Variants in CDH5 observed in about 807,000 individuals in gnomAD.
CDH5 encodes cadherin 5, also known as cadherin-5.
In CDH5, 28 loss-of-function variants were observed where a neutral mutation model predicts 62.0. The observed-to-expected ratio is 0.45, with a 90% CI of 0.33 to 0.62. CDH5 has a LOEUF of 0.62. Among genes scored for constraint, CDH5 ranks in the 20% least tolerant of loss-of-function variants. The pLI is 0.02. For missense variants in CDH5, 940 were observed against 1,065.1 expected (o/e 0.88, Z 1.63); for synonymous variants, 464 against 445.8 (o/e 1.04, Z -0.52).
intron 8 of CDH5, 103 bp from the exon 9 acceptor site, chr16:66,397,879 G>A (rs1426306801): frequency 2.2e-6 from 3 of 1,354,876 alleles, no homozygotes; most frequent in African/African-American, 1.4e-5. Flanking sequence ...GCCTCCTCCT[G>A]CAAAAAGTGG....
At chr16:66,398,629 G>A (rs528444664) in intron 10 of CDH5, 68 bp downstream of exon 10, 1 of 813,020 alleles carries the variant, frequency 1.2e-6, no homozygotes, top group African/African-American at 1.7e-5. Context: ...CTACTCAGGA[G>A]GCTGAGGCAG....
intron 6 of CDH5, 114 bp from the exon 7 acceptor site, chr16:66,392,022 C>A: frequency 7.7e-7 from 1 of 1,298,330 alleles, no homozygotes. Context: ...ATGGGCCCCT[C>A]ATCTATAAAA....
At position 66,379,371 on chromosome 16, in the gene CDH5, G is replaced by A. The variant is rs770509232; in HGVS notation, c.34G>A (p.Gly12Ser). 5 of 1,613,084 alleles carry A rather than the reference G, an allele frequency of 3.1e-6. No individual in the cohort carries two copies. The highest frequency in any genetic ancestry group is 4.2e-6 in the Non-Finnish European group (5 of 1,179,578). The change falls in exon 2 of 12, where the codon GGC becomes AGC. Residue 12 changes from glycine (G) to serine (S), a missense_variant. Gly to Ser is a moderately conservative substitution (Grantham distance 56). Transcript: ENST00000341529. ...GCTCATGATGCTCCTCGCCACATCGGGCGCCTGCCTGGGCCTGCTGGCAGT... is the reference window on the plus strand; with the variant it reads ...GCTCATGATGCTCCTCGCCACATCGAGCGCCTGCCTGGGCCTGCTGGCAGT... Reference protein sequence around the residue: ...QRLMMLLATSGACLGLLAVAA... With the variant: ...QRLMMLLATSSACLGLLAVAA...
chr16:66,392,534 T>G, intron 7 of CDH5, 151 bp downstream of exon 7: 1 of 1,094,444 alleles, frequency 9.1e-7, no homozygotes, highest in Non-Finnish European at 1.3e-6. Flanking sequence ...AAGCCCAAGC[T>G]CTTGCACTTG....
intron 6 of CDH5, among the ~76,000 whole-genome samples, chr16:66,390,847 C>T (rs7192976): frequency 0.031 from 4,673 of 152,236 alleles, 216 homozygotes; most frequent in African/African-American, 0.11. Flanking sequence ...TGACCCACTG[C>T]GGGGTAAGTG....
chr16:66,400,938 T>G lies in CDH5; in HGVS notation c.1759T>G (p.Cys587Gly). 1.9e-6 allele frequency: 3 copies of G among 1,614,184 alleles called. No homozygotes were observed. Among genetic ancestry groups the G allele is most frequent in the Non-Finnish European group, 2.5e-6 (3 of 1,180,044 alleles). ...KCNEQGEFTF[C>G]EDMAAQVGVS... ...CAACGAGCAGGGCGAGTTCACCTTC[T>G]GCGAGGATATGGCCGCCCAGGTGGG... The change falls in exon 11 of 12, where the codon TGC becomes GGC. Residue 587 changes from cysteine to glycine, a missense_variant. By Grantham distance (159) the Cys-to-Gly change is radical. Coordinates refer to ENST00000341529, the MANE Select transcript of CDH5 (RefSeq NM_001795.5).
intron 7 of CDH5, among the ~76,000 whole-genome samples, chr16:66,394,802 A>G (rs924545428): frequency 6.8e-6 from 1 of 146,834 alleles, no homozygotes; most frequent in African/African-American, 2.5e-5. Flanking sequence ...AGTTAGATAC[A>G]GTAAGTTTTC....
chr16:66,402,580 G>C, intron 11 of CDH5, 72 bp from the exon 12 acceptor site: 1 of 1,358,626 alleles, frequency 7.4e-7, no homozygotes, highest in Admixed American at 2.8e-5. Flanking sequence ...GGGGGCAGTG[G>C]GGATGGGGGC....
Position 66,386,948 on chromosome 16 carries a change from A to G in CDH5, c.350A>G (p.His117Arg). Reference sequence around the variant, plus strand: ...GACCGGGAGAATATCTCAGAGTACCACCTCACTGCTGTCATTGTGGACAAG... The same window carrying G: ...GACCGGGAGAATATCTCAGAGTACCGCCTCACTGCTGTCATTGTGGACAAG... ...RLDRENISEY[H>R]LTAVIVDKDT... The change falls in exon 3 of 12, where the codon CAC becomes CGC. Residue 117 changes from histidine to arginine, a missense_variant. Transcript: ENST00000341529. The G allele has an allele frequency of 6.2e-7, 1 of 1,614,150 alleles. No homozygotes were observed. Among genetic ancestry groups the G allele is most frequent in the Non-Finnish European group, 8.5e-7 (1 of 1,180,026 alleles).
intron 2 of CDH5, among the ~76,000 whole-genome samples, chr16:66,380,377 C>T (rs1176710200): frequency 1.4e-4 from 18 of 128,436 alleles, no homozygotes; most frequent in African/African-American, 5.4e-4. Flanking sequence ...AAGGGGTAGG[C>T]GGTGGTCTGA....
At chr16:66,373,995 G>A (rs1361265147) in intron 1 of CDH5, among the ~76,000 whole-genome samples, 1 of 152,012 alleles carries the variant, frequency 6.6e-6, no homozygotes, top group African/African-American at 2.4e-5. Context: ...AGAGAGAGTG[G>A]CATGACGCAA....
intron 1 of CDH5, among the ~76,000 whole-genome samples, chr16:66,373,283 A>G (rs1960725391): frequency 6.6e-6 from 1 of 152,242 alleles, no homozygotes; most frequent in Admixed American, 6.5e-5. Context: ...GCTGCAGCCA[A>G]GAGAAATTCA....
intron 1 of CDH5, among the ~76,000 whole-genome samples, chr16:66,373,350 G>GC (rs1960726584): frequency 6.6e-6 from 1 of 152,196 alleles, no homozygotes; most frequent in African/African-American, 2.4e-5. Flanking sequence ...GCATCATGAT[G>GC]GGAAGGAACA....
In CDH5 at chr16:66,396,753, G is replaced by A. The variant is rs1196767633; in HGVS notation, c.1360+552G>A. Among the ~76,000 whole-genome samples, 3 of 152,318 alleles carry A rather than the reference G, an allele frequency of 2.0e-5. No individual in the cohort carries two copies. The East Asian group carries it at 5.8e-4, about 29-fold the overall frequency. On this transcript the variant is annotated intron_variant, in intron 8 of 11. Coordinates refer to ENST00000341529, the MANE Select transcript of CDH5 (RefSeq NM_001795.5). ...ATTTTTGCCAGAGGGAGGGGCAAGA[G>A]TTGGAGTTTTGCATCCTCTATCTAT...
At chr16:66,386,307 T>TAA (rs1960982115) in intron 2 of CDH5, among the ~76,000 whole-genome samples, 1 of 151,738 alleles carries the variant, frequency 6.6e-6, no homozygotes, top group Non-Finnish European at 1.5e-5. Context: ...TTTTCAGGGG[T>TAA]ACATGTCCAT....
intron 1 of CDH5, among the ~76,000 whole-genome samples, chr16:66,368,648 C>A (rs1395651870): frequency 6.6e-6 from 1 of 152,242 alleles, no homozygotes; most frequent in Non-Finnish European, 1.5e-5. Flanking sequence ...CTCAGTCACA[C>A]TGAAGCAACT....
Position 66,402,893 on chromosome 16 carries a change from G to A in CDH5, c.2079G>A (p.Arg693=). ...SLYAQVQKPP[R]HAPGAHGGPG... ...ATGCGCAGGTGCAGAAGCCACCGAG[G>A]CACGCGCCTGGGGCACACGGAGGGC... Residue 693 remains arginine, a synonymous_variant, in exon 12 of 12, where the codon AGG becomes AGA. Coordinates refer to ENST00000341529, the MANE Select transcript of CDH5 (RefSeq NM_001795.5). 6.2e-7 allele frequency: 1 copy of A among 1,610,934 alleles called. No homozygotes were observed. The highest frequency in any genetic ancestry group is 8.5e-7 in the Non-Finnish European group (1 of 1,179,438).
rs1406093754 is a variant in CDH5 at position 66,392,363 on chromosome 16, T to G, written c.1197T>G (p.Asp399Glu). ...LIGTVLAMDP[D>E]AARHSIGYSI... is the part of the protein sequence containing the mutation. Reference sequence around the variant, plus strand: ...GCACAGTGCTGGCCATGGACCCTGATGCGGCTAGGCATAGCATTGGGTAAG... The same window carrying G: ...GCACAGTGCTGGCCATGGACCCTGAGGCGGCTAGGCATAGCATTGGGTAAG... Residue 399 changes from aspartate to glutamate, a missense_variant, in exon 7 of 12, where the codon GAT becomes GAG. By Grantham distance (45) the Asp-to-Glu change is conservative (BLOSUM62 2). Coordinates refer to ENST00000341529, the MANE Select transcript of CDH5 (RefSeq NM_001795.5). 6.2e-7 allele frequency: 1 copy of G among 1,614,154 alleles called. No homozygotes were observed. The highest frequency in any genetic ancestry group is 1.7e-5 in the Admixed American group (1 of 60,022).
chr16:66,392,011 C>A, intron 6 of CDH5, 125 bp from the exon 7 acceptor site: 2 of 1,168,276 alleles, frequency 1.7e-6, no homozygotes, highest in Non-Finnish European at 2.5e-6. Context: ...TTGTCGAGGC[C>A]ATGGGCCCCT....
Sources: gnomAD v4.1 joint callset for allele counts (sites outside exome capture counted in the v4.1 genomes callset) on GRCh38, gnomAD v4.1.1 for gene constraint, MANE v1.5 for transcripts, NCBI Gene and HGNC (gene_info 2026-07-23, HGNC 2026-07-21) for gene names.